Variants in HCRTR2 observed in about 807,000 individuals in gnomAD.
HCRTR2 encodes the protein hypocretin receptor 2.
A neutral mutation model predicts 49.0 loss-of-function variants in HCRTR2; 22 were observed. The observed-to-expected ratio is 0.45, with a 90% CI of 0.32 to 0.64. The LOEUF (loss-of-function observed/expected upper bound fraction) is 0.64. HCRTR2 is among the 30% of genes least tolerant of loss of function. The pLI is 0.04. For missense variants in HCRTR2, 491 were observed against 559.4 expected (o/e 0.88, Z 1.23); for synonymous variants, 236 against 205.3 (o/e 1.15, Z -1.28).
chr6:55,256,098 A>G (rs934385732), intron 3 of HCRTR2, among the ~76,000 whole-genome samples: 1 of 152,166 alleles, frequency 6.6e-6, no homozygotes, highest in Non-Finnish European at 1.5e-5. Flanking sequence ...GAATACTGCT[A>G]TCAACACCTG....
At chr6:55,205,528 G>A (rs1040471068) in intron 1 of HCRTR2, among the ~76,000 whole-genome samples, 1 of 152,092 alleles carries the variant, frequency 6.6e-6, no homozygotes, top group Non-Finnish European at 1.5e-5. Context: ...TGCTTTTAGT[G>A]TAGTAATAGA....
chr6:55,137,844 G>C (rs1273205575), intron 1 of HCRTR2, among the ~76,000 whole-genome samples: 1 of 152,268 alleles, frequency 6.6e-6, no homozygotes, highest in South Asian at 2.1e-4. Flanking sequence ...AAATACCTTA[G>C]TTGTTATTGG....
intron 2 of HCRTR2, among the ~76,000 whole-genome samples, chr6:55,249,551 C>A (rs1368300266): frequency 6.6e-6 from 1 of 152,078 alleles, no homozygotes; most frequent in Non-Finnish European, 1.5e-5. Context: ...TGATTACCCT[C>A]TGGAAGAGAT....
At chr6:55,202,050 T>TC in intron 1 of HCRTR2, among the ~76,000 whole-genome samples, 1 of 152,278 alleles carries the variant, frequency 6.6e-6, no homozygotes, top group South Asian at 2.1e-4. Context: ...GTTCCTGCAC[T>TC]CACAGTAGAG....
At chr6:55,126,536 C>G (rs1427806881) in intron 1 of HCRTR2, among the ~76,000 whole-genome samples, 1 of 152,312 alleles carries the variant, frequency 6.6e-6, no homozygotes, top group Non-Finnish European at 1.5e-5. Flanking sequence ...AGGTGTCTGT[C>G]AGCCCCTACT....
chr6:55,118,024 G>A (rs992800928), intron 1 of HCRTR2, among the ~76,000 whole-genome samples: 8 of 151,676 alleles, frequency 5.3e-5, no homozygotes, highest in Non-Finnish European at 1.5e-5. Flanking sequence ...GTATCCACTT[G>A]TTATTTTTCC....
intron 2 of HCRTR2, among the ~76,000 whole-genome samples, chr6:55,250,802 C>G (rs1254330573): frequency 6.6e-6 from 1 of 152,154 alleles, no homozygotes; most frequent in Non-Finnish European, 1.5e-5. Context: ...TTCTGTCTGC[C>G]TCTCTGCACA....
chr6:55,178,949 A>C (rs1765086180), intron 1 of HCRTR2, among the ~76,000 whole-genome samples: 1 of 152,252 alleles, frequency 6.6e-6, no homozygotes, highest in Non-Finnish European at 1.5e-5. Flanking sequence ...AATAACACAC[A>C]CATTGGTAAT....
intron 1 of HCRTR2, among the ~76,000 whole-genome samples, chr6:55,133,721 G>A (rs1045086205): frequency 4.6e-5 from 7 of 151,512 alleles, no homozygotes; most frequent in African/African-American, 1.7e-4. Flanking sequence ...ATCTAGGCAT[G>A]TTTGTCTGTC....
intron 3 of HCRTR2, among the ~76,000 whole-genome samples, chr6:55,257,673 G>A (rs1160757279): frequency 6.6e-6 from 1 of 151,546 alleles, no homozygotes; most frequent in Non-Finnish European, 1.5e-5. Context: ...AATACATAAA[G>A]CTCATTTCTA....
At chr6:55,108,361 T>G (rs572198703) in intron 1 of HCRTR2, among the ~76,000 whole-genome samples, 4 of 152,062 alleles carry the variant, frequency 2.6e-5, no homozygotes, top group Admixed American at 1.3e-4. Flanking sequence ...ACCAAAAGAA[T>G]TCACAGACCC....
At chr6:55,210,801 T>C (rs985709070) in intron 1 of HCRTR2, among the ~76,000 whole-genome samples, 1 of 152,266 alleles carries the variant, frequency 6.6e-6, no homozygotes, top group African/African-American at 2.4e-5. Flanking sequence ...GCAACAACAA[T>C]AAACGATTTT....
intron 1 of HCRTR2, among the ~76,000 whole-genome samples, chr6:55,135,304 T>C (rs1380744813): frequency 6.6e-6 from 1 of 152,100 alleles, no homozygotes; most frequent in Non-Finnish European, 1.5e-5. Flanking sequence ...TAGAGAGATT[T>C]CAGTTTAGAT....
chr6:55,198,480 C>A (rs1765457221), intron 1 of HCRTR2, among the ~76,000 whole-genome samples: 2 of 152,162 alleles, frequency 1.3e-5, no homozygotes, highest in African/African-American at 4.8e-5. Context: ...CTAAACTCAA[C>A]CCTAACTTTA....
At chr6:55,200,447 G>A (rs1362035499) in intron 1 of HCRTR2, among the ~76,000 whole-genome samples, 1 of 152,042 alleles carries the variant, frequency 6.6e-6, no homozygotes, top group African/African-American at 2.4e-5. Context: ...TGTATTTTTA[G>A]TAGAGATGGG....
chr6:55,180,797 T>A (rs996081637), intron 1 of HCRTR2, among the ~76,000 whole-genome samples: 1 of 151,490 alleles, frequency 6.6e-6, no homozygotes, highest in African/African-American at 2.4e-5. Context: ...ATAGATGAAC[T>A]TTTTTTAATT....
chr6:55,127,909 A>G (rs1764303861), intron 1 of HCRTR2, among the ~76,000 whole-genome samples: 1 of 152,210 alleles, frequency 6.6e-6, no homozygotes, highest in African/African-American at 2.4e-5. Context: ...TTTGCTGTGC[A>G]GAAGCTCTTT....
chr6:55,218,961 C>T (rs1004248575), intron 1 of HCRTR2, among the ~76,000 whole-genome samples: 1 of 152,178 alleles, frequency 6.6e-6, no homozygotes, highest in Non-Finnish European at 1.5e-5. Flanking sequence ...GTAGCTGGGA[C>T]TGCAGACATG....
downstream of HCRTR2, among the ~76,000 whole-genome samples, chr6:55,283,603 G>T (rs2127336574): frequency 6.6e-6 from 1 of 152,196 alleles, no homozygotes; most frequent in African/African-American, 2.4e-5. Flanking sequence ...AAAGCACTGA[G>T]TATTCAAACT....
Sources: allele counts gnomAD v4.1 joint callset (sites outside exome capture counted in the v4.1 genomes callset), GRCh38; gene constraint gnomAD v4.1.1; transcripts MANE v1.5; gene names NCBI Gene and HGNC (gene_info 2026-07-23, HGNC 2026-07-21).